Variants in ZSWIM6 observed in about 807,000 individuals in gnomAD.
ZSWIM6 encodes zinc finger SWIM domain-containing protein 6.
Under a neutral mutation model 113.2 loss-of-function variants are expected in ZSWIM6, and 9 were observed. That is an observed-to-expected ratio of 0.08 (90% CI 0.05 to 0.14). ZSWIM6 has a LOEUF of 0.14. Ranked by LOEUF, ZSWIM6 falls within the 10% of genes least tolerant of loss-of-function variation. The pLI, the probability that ZSWIM6 is intolerant of heterozygous loss-of-function variation, is 1.00. For synonymous variants in ZSWIM6, 611 were observed against 606.5 expected, an observed-to-expected ratio of 1.01 and a Z score of -0.11; for missense variants, 1,162 against 1,552.2, an observed-to-expected ratio of 0.75 and a Z score of 4.22.
At position 61,478,978 on chromosome 5, in the gene ZSWIM6, C is replaced by T. The variant is rs145249452; in HGVS notation, c.1033+5941C>T. ...TTGATGTCAGGAGTTCAAGACCAGC[C>T]TGGCCAACATGGTGAAACCCTGTCT... On this transcript the variant is annotated intron_variant, in intron 2 of 13. Transcript: ENST00000252744. Among the ~76,000 whole-genome samples the T allele has an allele frequency of 9.2e-4, 140 of 152,122 alleles. 2 individuals carry two copies. Among genetic ancestry groups the T allele is most frequent in the Admixed American group, 8.2e-3 (126 of 15,280 alleles).
chr5:61,383,721 AT>A (rs1265736737), intron 1 of ZSWIM6, among the ~76,000 whole-genome samples: 1 of 151,166 alleles, frequency 6.6e-6, no homozygotes, highest in Non-Finnish European at 1.5e-5. Flanking sequence ...TAATTTTTGT[AT>A]TTTTAGTAGA....
intron 1 of ZSWIM6, among the ~76,000 whole-genome samples, chr5:61,465,177 A>G (rs2112173524): frequency 6.6e-6 from 1 of 152,352 alleles, no homozygotes; most frequent in African/African-American, 2.4e-5. Flanking sequence ...AATAATTTAC[A>G]TTCCTAAGCA....
chr5:61,391,057 T>C (rs1745697199), intron 1 of ZSWIM6: 1 of 739,100 alleles, frequency 1.4e-6, no homozygotes, highest in Non-Finnish European at 2.5e-6. Context: ...ACAGTAACCT[T>C]TCTGCCAAAT....
intron 1 of ZSWIM6, among the ~76,000 whole-genome samples, chr5:61,387,928 C>G (rs931568915): frequency 6.7e-6 from 1 of 149,406 alleles, no homozygotes; most frequent in African/African-American, 2.5e-5. Flanking sequence ...GGGAGAAAAG[C>G]ACTTTCCTAC....
At chr5:61,357,439 A>G (rs1189780143) in intron 1 of ZSWIM6, among the ~76,000 whole-genome samples, 1 of 152,058 alleles carries the variant, frequency 6.6e-6, no homozygotes, top group African/African-American at 2.4e-5. Context: ...CCATGGAAGC[A>G]ATGCAGCCAT....
At chr5:61,425,238 TC>T (rs1746442659) in intron 1 of ZSWIM6, among the ~76,000 whole-genome samples, 1 of 152,180 alleles carries the variant, frequency 6.6e-6, no homozygotes, top group Admixed American at 6.5e-5. Flanking sequence ...ATTAGTTACA[TC>T]CCAATTTCAG....
chr5:61,361,561 T>C (rs2112053478), intron 1 of ZSWIM6, among the ~76,000 whole-genome samples: 1 of 152,346 alleles, frequency 6.6e-6, no homozygotes, highest in African/African-American at 2.4e-5. Flanking sequence ...CCAAGAGTAC[T>C]GACAGGTTAT....
At chr5:61,523,591 A>G (rs1749195220) in intron 5 of ZSWIM6, among the ~76,000 whole-genome samples, 1 of 152,206 alleles carries the variant, frequency 6.6e-6, no homozygotes, top group African/African-American at 2.4e-5. Flanking sequence ...ATTTAAAAAA[A>G]TTGCTCAAGA....
chr5:61,516,960 CT>C (rs1748962459), intron 4 of ZSWIM6, among the ~76,000 whole-genome samples: 1 of 152,052 alleles, frequency 6.6e-6, no homozygotes, highest in Non-Finnish European at 1.5e-5. Context: ...TCTTTTAATG[CT>C]TTAAAGATAT....
intron 12 of ZSWIM6, among the ~76,000 whole-genome samples, chr5:61,540,236 C>G (rs1488928904): frequency 1.3e-5 from 2 of 152,124 alleles, no homozygotes; most frequent in Non-Finnish European, 2.9e-5. Flanking sequence ...GAGGAGTGAT[C>G]GGGCCAGAGT....
Position 61,332,326 on chromosome 5 carries a change from G to GGC in ZSWIM6, c.55_56insCG (p.Gly19AlafsTer92). Reference sequence around the variant, plus strand: ...CCGCGAAACGGCTTTGCTGCCGGCCGGGCGGCGGCGGCGGCGGCGGGGGCA... The same window carrying GGC: ...CCGCGAAACGGCTTTGCTGCCGGCCGGCGGCGGCGGCGGCGGCGGCGGGGGCA... On this transcript the variant is annotated frameshift_variant, in exon 1 of 14. Transcript: ENST00000252744. LOFTEE classifies it high-confidence loss of function. 2 of 1,117,456 alleles carry GGC rather than the reference G, an allele frequency of 1.8e-6. No homozygotes were observed. The highest frequency in any genetic ancestry group is 2.2e-6 in the Non-Finnish European group (2 of 910,516). 69.2% of individuals were successfully genotyped at this position (1,117,456 alleles called of 1,614,324 possible).
chr5:61,338,502 T>C (rs1015825572), intron 1 of ZSWIM6, among the ~76,000 whole-genome samples: 1 of 152,226 alleles, frequency 6.6e-6, no homozygotes, highest in Non-Finnish European at 1.5e-5. Flanking sequence ...TTGAGATGTT[T>C]GATTTATGTA....
At chr5:61,379,919 A>G (rs940387426) in intron 1 of ZSWIM6, among the ~76,000 whole-genome samples, 2 of 152,166 alleles carry the variant, frequency 1.3e-5, no homozygotes, top group African/African-American at 2.4e-5. Flanking sequence ...AAAAAGCACT[A>G]TTAGCAATGT....
At position 61,539,575 on chromosome 5, in the gene ZSWIM6, G is replaced by GTTTGT. The variant is rs1309946900; in HGVS notation, c.2540-18_2540-17insGTTTT. ...CTTTGCTTTGATTTGGTTTGGTTTG[G>GTTTGT]TTTTCCCTTGTTCATTGCAGGCGAT... On this transcript the variant is annotated intron_variant, in intron 11 of 13. Transcript: ENST00000252744. 8 of 1,541,884 alleles carry GTTTGT rather than the reference G, an allele frequency of 5.2e-6. No individual in the cohort carries two copies. The Middle Eastern group carries it at 5.1e-4, about 97-fold the overall frequency.
chr5:61,441,165 A>G (rs1347567657), intron 1 of ZSWIM6, among the ~76,000 whole-genome samples: 1 of 152,196 alleles, frequency 6.6e-6, no homozygotes, highest in Non-Finnish European at 1.5e-5. Flanking sequence ...ACATGAGATT[A>G]TATTATGTAT....
At chr5:61,369,831 A>AT (rs1312022500) in intron 1 of ZSWIM6, among the ~76,000 whole-genome samples, 2 of 152,298 alleles carry the variant, frequency 1.3e-5, no homozygotes, top group South Asian at 2.1e-4. Flanking sequence ...ACTAAAAATG[A>AT]TTTTTTTATC....
Position 61,473,054 on chromosome 5 carries a change from A to G in ZSWIM6, c.1033+17A>G. 2.2e-6 allele frequency: 3 copies of G among 1,387,726 alleles called. No homozygotes were observed. The highest frequency in any genetic ancestry group is 2.9e-6 in the Non-Finnish European group (3 of 1,046,444). 86.0% of individuals were successfully genotyped at this position (1,387,726 alleles called of 1,614,324 possible). A position where few individuals can be genotyped will look rare whatever the true frequency, so the allele number is the denominator to read the frequency against. The stretch of plus-strand genomic sequence containing the variant: ...AAGTTCATGGTGAGTATAGACATTG[A>G]CTCTTTAAATTTCCTCTCTGGATCC... On this transcript the variant is annotated intron_variant, in intron 2 of 13. Coordinates refer to ENST00000252744, the MANE Select transcript of ZSWIM6 (RefSeq NM_020928.2).
intron 1 of ZSWIM6, among the ~76,000 whole-genome samples, chr5:61,459,050 A>G (rs1322828131): frequency 6.6e-6 from 1 of 152,156 alleles, no homozygotes; most frequent in East Asian, 1.9e-4. Context: ...CTATGTACAT[A>G]ATTGCTACTT....
chr5:61,480,730 T>C (rs564570058), intron 2 of ZSWIM6, among the ~76,000 whole-genome samples: 1 of 152,216 alleles, frequency 6.6e-6, no homozygotes, highest in Non-Finnish European at 1.5e-5. Context: ...AGTTCTCTCC[T>C]CTCTGCTGTA....
Sources: gnomAD v4.1 joint callset for allele counts (sites outside exome capture counted in the v4.1 genomes callset) on GRCh38, gnomAD v4.1.1 for gene constraint, MANE v1.5 for transcripts, NCBI Gene and HGNC (gene_info 2026-07-23, HGNC 2026-07-21) for gene names.